The following FOXP1 variants were observed in gnomAD, a reference collection of about 807,000 sequenced individuals.
FOXP1 encodes the protein forkhead box protein P1.
In FOXP1, 15 loss-of-function variants were observed where a neutral mutation model predicts 98.2. That is an observed-to-expected ratio of 0.15 (90% confidence interval 0.10 to 0.24). The LOEUF is 0.24. Ranked by LOEUF, FOXP1 falls within the 10% of genes least tolerant of loss-of-function variation. The pLI is 1.00. For missense variants in FOXP1, 633 were observed against 848.5 expected, an observed-to-expected ratio of 0.75 and a Z score of 3.15; for synonymous variants, 371 against 314.5, an observed-to-expected ratio of 1.18 and a Z score of -1.90.
intron 5 of FOXP1, among the ~76,000 whole-genome samples, chr3:71,237,869 C>T (rs1375573835): frequency 1.3e-5 from 2 of 152,092 alleles, no homozygotes; most frequent in African/African-American, 4.8e-5. Flanking sequence ...TCTCCTCCCC[C>T]AGGAAAAAGG....
At chr3:71,308,170 T>C (rs1369751620) in intron 4 of FOXP1, among the ~76,000 whole-genome samples, 3 of 151,982 alleles carry the variant, frequency 2.0e-5, no homozygotes, top group Non-Finnish European at 4.4e-5. Flanking sequence ...GGGGCGTAGT[T>C]GCAGTGAGAC....
chr3:71,316,350 G>C (rs778272590), intron 4 of FOXP1, among the ~76,000 whole-genome samples: 7 of 152,176 alleles, frequency 4.6e-5, no homozygotes, highest in African/African-American at 1.7e-4. Context: ...TCCAGGGCTA[G>C]AGCTAGTGGC....
At chr3:71,269,218 G>T (rs1305464414) in intron 5 of FOXP1, among the ~76,000 whole-genome samples, 3 of 151,488 alleles carry the variant, frequency 2.0e-5, no homozygotes. Context: ...AGATTTCAGA[G>T]ATCCAGTTCT....
intron 4 of FOXP1, among the ~76,000 whole-genome samples, chr3:71,339,076 T>C (rs1190023237): frequency 6.6e-6 from 1 of 152,262 alleles, no homozygotes; most frequent in East Asian, 1.9e-4. Context: ...AGTGTCTGGA[T>C]ATGATCCAAA....
At position 71,002,546 on chromosome 3, in the gene FOXP1, C is replaced by T. The variant is rs150653561; in HGVS notation, c.975-1487G>A. Among the ~76,000 whole-genome samples the T allele has an allele frequency of 6.4e-3, 969 of 152,322 alleles. 36 individuals are homozygous for T. Among genetic ancestry groups the T allele is most frequent in the Admixed American group, 0.054 (827 of 15,284 alleles). On this transcript the variant is annotated intron_variant, in intron 12 of 20. Coordinates refer to ENST00000649528, the MANE Select transcript of FOXP1 (RefSeq NM_001349338.3). Reference sequence around the variant, plus strand: ...ACCTGGGGTGAATAATATTTTACAACTTGCTTTTAAAGAAGCATGTTGTAA... The same window carrying T: ...ACCTGGGGTGAATAATATTTTACAATTTGCTTTTAAAGAAGCATGTTGTAA...
rs1287153074 is a variant in FOXP1, at chr3:70,977,021, T to C, written c.1450A>G (p.Lys484Glu). 1 of 1,613,704 alleles carries C rather than the reference T, an allele frequency of 6.2e-7. No homozygotes were observed. The highest frequency in any genetic ancestry group is 8.5e-7 in the Non-Finnish European group (1 of 1,179,690). Reference protein sequence around the residue: ...IRQAILESPEKQLTLNEIYNW... With the variant: ...IRQAILESPEEQLTLNEIYNW... The stretch of plus-strand genomic sequence containing the variant: ...TAGATCTCATTTAGTGTTAGCTGCT[T>C]TTCTGGAGATTCGAGAATGGCCTGT... The change falls in exon 17 of 21, where the codon AAG becomes GAG. Residue 484 changes from lysine (K) to glutamate (E), a missense_variant. Coordinates refer to ENST00000649528, the MANE Select transcript of FOXP1 (RefSeq NM_001349338.3).
intron 4 of FOXP1, among the ~76,000 whole-genome samples, chr3:71,351,270 T>C (rs1162720575): frequency 6.6e-6 from 1 of 152,088 alleles, no homozygotes; most frequent in Admixed American, 6.5e-5. Context: ...AATCTGACTT[T>C]TCAACATTAT....
chr3:71,191,539 T>G (rs935887376), intron 6 of FOXP1, among the ~76,000 whole-genome samples: 2 of 152,230 alleles, frequency 1.3e-5, no homozygotes, highest in Non-Finnish European at 2.9e-5. Flanking sequence ...TTGTGCCATT[T>G]TAATTTTCAA....
intron 4 of FOXP1, among the ~76,000 whole-genome samples, chr3:71,302,046 CTCTA>C (rs1236308123): frequency 6.6e-6 from 1 of 152,216 alleles, no homozygotes; most frequent in African/African-American, 2.4e-5. Flanking sequence ...GGGATATAAT[CTCTA>C]TCTTTCTCCA....
intron 2 of FOXP1, among the ~76,000 whole-genome samples, chr3:71,579,582 G>A (rs1187711694): frequency 2.0e-5 from 3 of 150,668 alleles, no homozygotes; most frequent in Non-Finnish European, 4.4e-5. Context: ...AGAGTGGGCT[G>A]ACACAAAACT....
At chr3:71,361,243 G>A (rs1577131362) in intron 3 of FOXP1, among the ~76,000 whole-genome samples, 2 of 152,120 alleles carry the variant, frequency 1.3e-5, no homozygotes, top group Non-Finnish European at 2.9e-5. Context: ...CATTGTCATC[G>A]ACTTATCAGA....
At chr3:71,253,979 C>T (rs1486110658) in intron 5 of FOXP1, among the ~76,000 whole-genome samples, 1 of 152,056 alleles carries the variant, frequency 6.6e-6, no homozygotes, top group Non-Finnish European at 1.5e-5. Context: ...ACATGTACAC[C>T]TTACAAATTT....
chr3:71,481,757 T>C (rs948942743), intron 3 of FOXP1, among the ~76,000 whole-genome samples: 1 of 152,190 alleles, frequency 6.6e-6, no homozygotes, highest in Non-Finnish European at 1.5e-5. Flanking sequence ...CTTACCTTTC[T>C]TGAGAAACAC....
chr3:71,099,736 C>T (rs1354626437), intron 7 of FOXP1, among the ~76,000 whole-genome samples: 2 of 152,186 alleles, frequency 1.3e-5, no homozygotes, highest in Non-Finnish European at 2.9e-5. Flanking sequence ...GCCAGTCAGA[C>T]ACCAGAGGCC....
chr3:71,370,590 C>T (rs1340585691), intron 3 of FOXP1, among the ~76,000 whole-genome samples: 1 of 152,128 alleles, frequency 6.6e-6, no homozygotes, highest in African/African-American at 2.4e-5. Flanking sequence ...ACCGGGGCAC[C>T]ACTTTGCTAT....
At chr3:71,306,706 T>A (rs950696691) in intron 4 of FOXP1, among the ~76,000 whole-genome samples, 15 of 149,578 alleles carry the variant, frequency 1.0e-4, no homozygotes, top group African/African-American at 3.7e-4. Context: ...GGAAAATAAT[T>A]CGAGTTTTCC....
In FOXP1 at chr3:71,041,462, T is replaced by C. The variant is rs978220147; in HGVS notation, c.735A>G (p.Thr245=). Residue 245 remains threonine, a synonymous_variant, in exon 11 of 21, where the codon ACA becomes ACG. Coordinates refer to ENST00000649528, the MANE Select transcript of FOXP1 (RefSeq NM_001349338.3). ...GATCCAAACTGCTGTGATTGTTGCCTGTGGTTTCTTCTGCAGTATGAGCAC... is the reference window on the plus strand; with the variant it reads ...GATCCAAACTGCTGTGATTGTTGCCCGTGGTTTCTTCTGCAGTATGAGCAC... ...VTSAHTAEET[T]GNNHSSLDLT... 2.0e-5 allele frequency: 33 copies of C among 1,613,812 alleles called. No individual in the cohort carries two copies. The highest frequency in any genetic ancestry group is 2.6e-5 in the Non-Finnish European group (31 of 1,179,848).
At chr3:71,053,858 C>A (rs2050245293) in intron 7 of FOXP1, 85 bp from the exon 8 acceptor site, 2 of 1,501,982 alleles carry the variant, frequency 1.3e-6, no homozygotes, top group Admixed American at 1.8e-5. Context: ...TGCCATCAGC[C>A]TGCTTAAAGA....
chr3:71,089,632 G>A (rs1203789844), intron 7 of FOXP1, among the ~76,000 whole-genome samples: 1 of 152,142 alleles, frequency 6.6e-6, no homozygotes, highest in African/African-American at 2.4e-5. Flanking sequence ...CCCCATCCTT[G>A]CCACATGGGG....
Sources: gnomAD v4.1 joint callset for allele counts (sites outside exome capture counted in the v4.1 genomes callset) on GRCh38, gnomAD v4.1.1 for gene constraint, MANE v1.5 for transcripts, NCBI Gene and HGNC (gene_info 2026-07-23, HGNC 2026-07-21) for gene names.